The following AGBL1 variants were observed in gnomAD, a reference collection of about 807,000 sequenced individuals.
AGBL1 encodes the protein AGBL carboxypeptidase 1.
A neutral mutation model predicts 118.9 loss-of-function variants in AGBL1; 130 were observed. The observed-to-expected ratio is 1.09, with a 90% confidence interval of 0.95 to 1.26. AGBL1 has a LOEUF of 1.26. Ranked by LOEUF, AGBL1 falls within the 50% of genes most tolerant of loss-of-function variation. The pLI, the probability that AGBL1 is intolerant of heterozygous loss-of-function variation, is 0.00. For missense variants in AGBL1, 1,584 were observed against 1,298.1 expected, an observed-to-expected ratio of 1.22 and a Z score of -3.38; for synonymous variants, 555 against 478.9, an observed-to-expected ratio of 1.16 and a Z score of -2.08.
chr15:86,224,140 T>C (rs1318871424), intron 5 of AGBL1, among the ~76,000 whole-genome samples: 1 of 152,094 alleles, frequency 6.6e-6, no homozygotes, highest in Non-Finnish European at 1.5e-5. Context: ...GAATCTTCTA[T>C]TTTTTTAAAA....
intron 17 of AGBL1, among the ~76,000 whole-genome samples, chr15:86,331,325 C>T (rs2080265929): frequency 6.6e-6 from 1 of 151,632 alleles, no homozygotes; most frequent in Non-Finnish European, 1.5e-5. Flanking sequence ...CCTCTTCTCT[C>T]TTCTTCTCTC....
intron 22 of AGBL1, among the ~76,000 whole-genome samples, chr15:86,737,120 A>G (rs2077613603): frequency 6.6e-6 from 1 of 152,218 alleles, no homozygotes; most frequent in Non-Finnish European, 1.5e-5. Flanking sequence ...GAGAAGACAA[A>G]AACATACAGA....
chr15:86,562,030 C>G (rs979156690), intron 21 of AGBL1, among the ~76,000 whole-genome samples: 2 of 152,180 alleles, frequency 1.3e-5, no homozygotes, highest in African/African-American at 4.8e-5. Flanking sequence ...GCTGAAGTTG[C>G]TTATCAGGTT....
chr15:86,601,347 T>G (rs2084489707), intron 21 of AGBL1, among the ~76,000 whole-genome samples: 1 of 152,166 alleles, frequency 6.6e-6, no homozygotes, highest in Non-Finnish European at 1.5e-5. Context: ...TTTAATATAT[T>G]TACCTTTCCA....
At chr15:86,706,700 T>G (rs751428483) in intron 22 of AGBL1, among the ~76,000 whole-genome samples, 2 of 152,154 alleles carry the variant, frequency 1.3e-5, no homozygotes. Flanking sequence ...ACAAGACAAA[T>G]GCATCCCATT....
At chr15:86,296,530 A>G (rs2079645471) in intron 17 of AGBL1, 1 of 152,222 alleles carries the variant, frequency 6.6e-6, no homozygotes, top group South Asian at 2.1e-4. Context: ...TGAGGAAGAT[A>G]CAGCCTTCCC....
chr15:86,323,137 T>A (rs1230169407), intron 17 of AGBL1, among the ~76,000 whole-genome samples: 3 of 150,706 alleles, frequency 2.0e-5, no homozygotes, highest in Non-Finnish European at 4.4e-5. Context: ...CATAGCACAT[T>A]TTCTTTCTTA....
chr15:86,738,467 T>C (rs536171008), intron 22 of AGBL1, among the ~76,000 whole-genome samples: 2 of 152,218 alleles, frequency 1.3e-5, no homozygotes, highest in African/African-American at 2.4e-5. Flanking sequence ...CATCATCTCA[T>C]ATATAGAAAA....
intron 1 of AGBL1, among the ~76,000 whole-genome samples, chr15:86,123,927 C>T (rs1055257531): frequency 3.9e-5 from 6 of 152,052 alleles, no homozygotes; most frequent in East Asian, 1.9e-4. Context: ...AGAGGAGACT[C>T]GGGAGAGATG....
intron 16 of AGBL1, among the ~76,000 whole-genome samples, chr15:86,291,640 A>C (rs114433486): frequency 6.6e-6 from 1 of 152,184 alleles, no homozygotes; most frequent in African/African-American, 2.4e-5. Flanking sequence ...ACTCCTCACT[A>C]TGGAATTATG....
rs180695101 is a variant in AGBL1, at chr15:86,418,758, A to G, written c.2555+21212A>G. On this transcript the variant is annotated intron_variant, in intron 18 of 22. Coordinates refer to ENST00000614907, the MANE Select transcript of AGBL1 (RefSeq NM_001386094.1). ...TTCAGACTTCCCACAGGCACCTCTC[A>G]TAATTGAGAACTTGCAGCACTTAGT... Among the ~76,000 whole-genome samples, 6 of 152,234 alleles carry G rather than the reference A, an allele frequency of 3.9e-5. No individual in the cohort carries two copies. In the South Asian group the frequency reaches 1.0e-3, roughly 26 times the overall value.
chr15:86,817,304 A>C (rs2078872956), intron 22 of AGBL1, among the ~76,000 whole-genome samples: 2 of 151,542 alleles, frequency 1.3e-5, no homozygotes, highest in South Asian at 2.1e-4. Context: ...AAAAAAAAAA[A>C]AAAAAACCAC....
At chr15:86,977,496 CATT>C (rs2081187339) in intron 23 of AGBL1, among the ~76,000 whole-genome samples, 1 of 150,714 alleles carries the variant, frequency 6.6e-6, no homozygotes, top group African/African-American at 2.4e-5. Flanking sequence ...TAATTTATGC[CATT>C]ATTCAAATCT....
intron 22 of AGBL1, among the ~76,000 whole-genome samples, chr15:86,721,664 G>A (rs1339203270): frequency 6.6e-6 from 1 of 152,178 alleles, no homozygotes; most frequent in Non-Finnish European, 1.5e-5. Flanking sequence ...AGGGCAATTA[G>A]GCAGGAGAAG....
At chr15:86,791,313 A>G (rs554715711) in intron 22 of AGBL1, among the ~76,000 whole-genome samples, 60 of 152,272 alleles carry the variant, frequency 3.9e-4, no homozygotes, top group African/African-American at 1.4e-3. Context: ...ACTTCCATTT[A>G]TTATTTGTAT....
At chr15:86,905,261 G>C (rs994345495) in intron 22 of AGBL1, among the ~76,000 whole-genome samples, 3 of 152,190 alleles carry the variant, frequency 2.0e-5, no homozygotes, top group South Asian at 2.1e-4. Flanking sequence ...AACTGTGCAG[G>C]ATGCAAGGCA....
chr15:86,939,623 A>C (rs1442519663), intron 23 of AGBL1: 1 of 152,114 alleles, frequency 6.6e-6, no homozygotes, highest in African/African-American at 2.4e-5. Flanking sequence ...TGTCCCTCTA[A>C]AGAATCCTAA....
chr15:86,554,686 A>G (rs991621295), intron 21 of AGBL1, 149 bp downstream of exon 21: 1 of 750,196 alleles, frequency 1.3e-6, no homozygotes, highest in Non-Finnish European at 1.9e-6. Context: ...GGGTTCAACA[A>G]TTGCTTTCAC....
chr15:86,280,571 A>G (rs1432181104), intron 16 of AGBL1, among the ~76,000 whole-genome samples: 1 of 152,214 alleles, frequency 6.6e-6, no homozygotes, highest in Non-Finnish European at 1.5e-5. Flanking sequence ...ATCTTCTATA[A>G]AGCACTTTCA....
Sources: allele counts gnomAD v4.1 joint callset (sites outside exome capture counted in the v4.1 genomes callset), GRCh38; gene constraint gnomAD v4.1.1; transcripts MANE v1.5; gene names NCBI Gene and HGNC (gene_info 2026-07-23, HGNC 2026-07-21).